MKX: variants seen among roughly 807,000 people sequenced by gnomAD.
The protein encoded by MKX is mohawk homeobox.
MKX carries 13 observed loss-of-function variants against 36.0 expected under a neutral mutation model. That is an observed-to-expected ratio of 0.36 (90% CI 0.24 to 0.57). MKX has a LOEUF of 0.57. Ranked by LOEUF, MKX falls within the 20% of genes least tolerant of loss-of-function variation. The pLI is 0.79. For missense variants in MKX, 458 were observed against 456.4 expected (o/e 1.00, Z -0.03); for synonymous variants, 176 against 178.3 (o/e 0.99, Z 0.10).
At position 27,744,987 on chromosome 10, in the gene MKX, T is replaced by G. The variant is rs1589704756; in HGVS notation, c.-83+720A>C. ...GTGTGCACATAGCCTCGGTGATAAGTGTCAAAGAGAATTTTCGTGCTTGCA... is the reference window on the plus strand; with the variant it reads ...GTGTGCACATAGCCTCGGTGATAAGGGTCAAAGAGAATTTTCGTGCTTGCA... On this transcript the variant is annotated intron_variant, in intron 1 of 6. Coordinates refer to ENST00000419761, the MANE Select transcript of MKX (RefSeq NM_173576.3). The surrounding 1 kb of genome is among the most constrained non-coding windows in gnomAD (Gnocchi z 5.6). 6.6e-6 allele frequency: 1 copy of G among 152,252 alleles called. No homozygotes were observed. The highest frequency in any genetic ancestry group is 2.1e-4 in the South Asian group (1 of 4,826). 9.4% of individuals were successfully genotyped at this position (152,252 alleles called of 1,614,324 possible). A position where few individuals can be genotyped will look rare whatever the true frequency, so the allele number is the denominator to read the frequency against.
At chr10:27,730,900 T>C (rs1435511417) in intron 5 of MKX, among the ~76,000 whole-genome samples, 2 of 151,920 alleles carry the variant, frequency 1.3e-5, no homozygotes, top group African/African-American at 2.4e-5. Flanking sequence ...TTTGGGAGGC[T>C]GAGCCTGGCA....
chr10:27,732,336 C>T (rs1162613772), intron 5 of MKX, among the ~76,000 whole-genome samples: 1 of 152,052 alleles, frequency 6.6e-6, no homozygotes, highest in African/African-American at 2.4e-5. Context: ...TAGTTATTGG[C>T]CATTTAAAAC....
At chr10:27,735,848 A>C (rs1028570181) in intron 3 of MKX, among the ~76,000 whole-genome samples, 1 of 152,200 alleles carries the variant, frequency 6.6e-6, no homozygotes, top group African/African-American at 2.4e-5. Flanking sequence ...TAAAGAGGAC[A>C]CAGGAACAAA....
chr10:27,722,199 C>G (rs1460801159), intron 5 of MKX, among the ~76,000 whole-genome samples: 3 of 152,116 alleles, frequency 2.0e-5, no homozygotes, highest in Non-Finnish European at 4.4e-5. Context: ...TGACATCTAC[C>G]CTCTTGGCCT....
At chr10:27,706,483 A>G (rs963114896) in intron 5 of MKX, among the ~76,000 whole-genome samples, 2 of 151,926 alleles carry the variant, frequency 1.3e-5, no homozygotes, top group African/African-American at 4.8e-5. Flanking sequence ...TGTGCCATTT[A>G]CAATCCCAGC....
chr10:27,728,340 T>G (rs938265129), intron 5 of MKX, among the ~76,000 whole-genome samples: 3 of 152,356 alleles, frequency 2.0e-5, no homozygotes, highest in Admixed American at 2.0e-4. Flanking sequence ...AAGACTTTTT[T>G]AAGCTACCCC....
intron 5 of MKX, chr10:27,718,720 A>G (rs1404827083): frequency 1.2e-5 from 2 of 165,172 alleles, no homozygotes; most frequent in Non-Finnish European, 2.7e-5. Flanking sequence ...CACAACTGCC[A>G]AGTAATAATA....
At chr10:27,703,689 A>C (rs1836700646) in intron 5 of MKX, among the ~76,000 whole-genome samples, 1 of 152,132 alleles carries the variant, frequency 6.6e-6, no homozygotes, top group African/African-American at 2.4e-5. Flanking sequence ...ACTTGAGGTC[A>C]GGAGTTCATG....
intron 5 of MKX, among the ~76,000 whole-genome samples, chr10:27,730,834 T>C (rs1834609577): frequency 6.6e-6 from 1 of 151,662 alleles, no homozygotes; most frequent in Non-Finnish European, 1.5e-5. Flanking sequence ...GGATGAATAA[T>C]TGGATAAAGT....
At chr10:27,732,430 A>G (rs990311090) in intron 5 of MKX, among the ~76,000 whole-genome samples, 2 of 152,162 alleles carry the variant, frequency 1.3e-5, no homozygotes, top group Admixed American at 1.3e-4. Flanking sequence ...TTGCCAAACA[A>G]CTGTGCATAG....
At chr10:27,721,831 T>C (rs758049392) in intron 5 of MKX, among the ~76,000 whole-genome samples, 5 of 152,170 alleles carry the variant, frequency 3.3e-5, no homozygotes, top group Admixed American at 6.5e-5. Flanking sequence ...TTAAGTTTGA[T>C]AGAATACAAT....
At chr10:27,705,178 C>T (rs564832850) in intron 5 of MKX, among the ~76,000 whole-genome samples, 2 of 152,020 alleles carry the variant, frequency 1.3e-5, no homozygotes, top group African/African-American at 2.4e-5. Flanking sequence ...GATTCTCATC[C>T]TTAGTTGAGT....
intron 5 of MKX, among the ~76,000 whole-genome samples, chr10:27,705,566 G>A (rs1232260959): frequency 6.6e-6 from 1 of 152,140 alleles, no homozygotes; most frequent in Non-Finnish European, 1.5e-5. Flanking sequence ...TGGTGCCCAG[G>A]CTGGTCTTGA....
At chr10:27,724,272 G>A (rs1834439619) in intron 5 of MKX, among the ~76,000 whole-genome samples, 1 of 152,138 alleles carries the variant, frequency 6.6e-6, no homozygotes, top group South Asian at 2.1e-4. Context: ...CAAAAGTACT[G>A]AAGTCAGTGG....
Position 27,736,096 on chromosome 10 carries a change from G to C in MKX, c.349-722C>G, listed in dbSNP as rs72631838. Among the ~76,000 whole-genome samples, 2,345 of 152,146 alleles carry C rather than the reference G, an allele frequency of 0.015. 151 individuals carry two copies. The East Asian group carries it at 0.2, about 13-fold the overall frequency. ...GTATCTGAGATTGAAGGGAGGGGAT[G>C]AGCAAATTCAAGAGGAAAAGGCACA... On this transcript the variant is annotated intron_variant, in intron 3 of 6. Transcript: ENST00000419761.
chr10:27,715,949 G>A (rs1836956557), intron 5 of MKX, among the ~76,000 whole-genome samples: 1 of 151,956 alleles, frequency 6.6e-6, no homozygotes, highest in Admixed American at 6.6e-5. Flanking sequence ...CAGGTCTAAG[G>A]ATCTCTCAAA....
chr10:27,739,449 C>T (rs536796868), intron 3 of MKX, among the ~76,000 whole-genome samples: 2 of 151,978 alleles, frequency 1.3e-5, no homozygotes, highest in South Asian at 2.1e-4. Context: ...TTTCTGAGCA[C>T]TAGTGTAAGA....
chr10:27,724,977 GCA>G (rs916369198), intron 5 of MKX, among the ~76,000 whole-genome samples: 3 of 151,766 alleles, frequency 2.0e-5, no homozygotes, highest in African/African-American at 7.3e-5. Flanking sequence ...TTTTAGAAAT[GCA>G]CACACACATA....
At chr10:27,711,831 CTGCTCTTGGG>C (rs1187681277) in intron 5 of MKX, among the ~76,000 whole-genome samples, 3 of 151,690 alleles carry the variant, frequency 2.0e-5, no homozygotes, top group Non-Finnish European at 4.4e-5. Flanking sequence ...AGCAATCCTC[CTGCTCTTGGG>C]TGCTGGGATT....
Sources: allele counts gnomAD v4.1 joint callset (sites outside exome capture counted in the v4.1 genomes callset), GRCh38; gene constraint gnomAD v4.1.1; non-coding constraint Gnocchi (gnomAD v3.1); transcripts MANE v1.5; gene names NCBI Gene and HGNC (gene_info 2026-07-23, HGNC 2026-07-21).